The following TTC28 variants were observed in gnomAD, a reference collection of about 807,000 sequenced individuals.
TTC28 encodes the protein tetratricopeptide repeat protein 28.
A neutral mutation model predicts 198.0 loss-of-function variants in TTC28; 61 were observed. The ratio of observed to expected loss-of-function variants is 0.31; its 90% CI spans 0.25 to 0.38. The LOEUF (loss-of-function observed/expected upper bound fraction) is 0.38. TTC28 is among the 10% of genes least tolerant of loss of function. TTC28 has a pLI of 1.00. For missense variants in TTC28, 2,678 were observed against 3,164.0 expected, an observed-to-expected ratio of 0.85 and a Z score of 3.69; for synonymous variants, 1,171 against 1,297.8, an observed-to-expected ratio of 0.90 and a Z score of 2.10.
chr22:28,122,291 C>A (rs1490324205), intron 6 of TTC28, among the ~76,000 whole-genome samples: 1 of 152,146 alleles, frequency 6.6e-6, no homozygotes, highest in African/African-American at 2.4e-5. Context: ...ATAAGAAAGG[C>A]CAAGAGGACT....
At chr22:28,458,591 A>C (rs16986451) in intron 2 of TTC28, among the ~76,000 whole-genome samples, 5,456 of 152,232 alleles carry the variant, frequency 0.036, 153 homozygotes, top group African/African-American at 0.069. Context: ...AAAAATATTT[A>C]CCAAAATAGG....
intron 1 of TTC28, among the ~76,000 whole-genome samples, chr22:28,658,931 A>G (rs2051700871): frequency 6.6e-6 from 1 of 152,158 alleles, no homozygotes; most frequent in Admixed American, 6.6e-5. Flanking sequence ...TGGGAGGTGG[A>G]GGTCACAGTG....
At chr22:28,072,049 G>C (rs1452058128) in intron 12 of TTC28, among the ~76,000 whole-genome samples, 1 of 152,150 alleles carries the variant, frequency 6.6e-6, no homozygotes, top group Non-Finnish European at 1.5e-5. Context: ...TACCTGATCT[G>C]GATTAAGTCT....
intron 2 of TTC28, among the ~76,000 whole-genome samples, chr22:28,514,856 C>G (rs565875333): frequency 2.4e-4 from 37 of 152,332 alleles, no homozygotes; most frequent in Middle Eastern, 6.8e-3. Context: ...ATAGGTCAGT[C>G]TTGCAGAATA....
rs944106522 is a variant in TTC28 at position 27,993,383 on chromosome 22, G to A, written c.5380C>T (p.Pro1794Ser). 7.1e-6 allele frequency: 11 copies of A among 1,551,048 alleles called. No homozygotes were observed. The Admixed American group carries it at 7.8e-5, about 11-fold the overall frequency. ...LLTAVGFRLD[P>S]PTSGLPAAVF... ...GCCGCTGGCAGGCCACTGGTTGGGG[G>A]GTCCAGCCGGAAGCCCACAGCGGTG... Residue 1794 changes from proline to serine, a missense_variant, in exon 18 of 23, where the codon CCC (proline) becomes TCC (serine). Physicochemically the swap from Pro to Ser is moderately conservative, Grantham distance 74. Around this residue, in one of 8 missense-constraint regions of TTC28, gnomAD observed 314 missense variants for 442.7 expected, o/e 0.71. Coordinates refer to ENST00000397906, the MANE Select transcript of TTC28 (RefSeq NM_001145418.2).
intron 6 of TTC28, among the ~76,000 whole-genome samples, chr22:28,156,986 C>T (rs79247744): frequency 0.071 from 10,795 of 151,800 alleles, 438 homozygotes; most frequent in South Asian, 0.091. Flanking sequence ...ATTAAGAAAA[C>T]ACAAAAGATA....
At chr22:28,330,934 T>C (rs546003641) in intron 2 of TTC28, among the ~76,000 whole-genome samples, 1 of 152,324 alleles carries the variant, frequency 6.6e-6, no homozygotes, top group African/African-American at 2.4e-5. Flanking sequence ...TTTAGGTCAG[T>C]TATCTGGAAT....
intron 6 of TTC28, among the ~76,000 whole-genome samples, chr22:28,137,571 G>T (rs1448448599): frequency 6.6e-6 from 1 of 152,078 alleles, no homozygotes; most frequent in African/African-American, 2.4e-5. Context: ...GTTCTCCACA[G>T]GAGCTTGAGC....
At chr22:28,139,594 T>C (rs182228822) in intron 6 of TTC28, among the ~76,000 whole-genome samples, 2 of 152,244 alleles carry the variant, frequency 1.3e-5, no homozygotes, top group Admixed American at 6.5e-5. Flanking sequence ...AGGAAAATAC[T>C]GCAAGGAAGG....
At chr22:28,164,864 A>G (rs1921713157) in intron 5 of TTC28, among the ~76,000 whole-genome samples, 1 of 152,206 alleles carries the variant, frequency 6.6e-6, no homozygotes, top group South Asian at 2.1e-4. Flanking sequence ...AAGGCTTCAG[A>G]TGATCAAACT....
At chr22:28,372,294 T>A (rs1248712303) in intron 2 of TTC28, among the ~76,000 whole-genome samples, 1 of 152,258 alleles carries the variant, frequency 6.6e-6, no homozygotes, top group East Asian at 1.9e-4. Flanking sequence ...ATTTAAGATA[T>A]GCTTCATTTC....
chr22:28,036,393 C>T (rs1294943252), intron 12 of TTC28, among the ~76,000 whole-genome samples: 2 of 152,192 alleles, frequency 1.3e-5, no homozygotes, highest in African/African-American at 4.8e-5. Context: ...TACATGGAAA[C>T]TGAACAACCT....
chr22:28,400,770 T>C (rs2046894487), intron 2 of TTC28, among the ~76,000 whole-genome samples: 1 of 152,204 alleles, frequency 6.6e-6, no homozygotes, highest in Non-Finnish European at 1.5e-5. Context: ...ATATTTAGGA[T>C]AGCCCAGATG....
rs917334456 is a variant in TTC28 at position 28,176,536 on chromosome 22, C to T, written c.934-12937G>A. Among the ~76,000 whole-genome samples, 6 of 152,162 alleles carry T rather than the reference C, an allele frequency of 3.9e-5. No individual in the cohort carries two copies. In the East Asian group the frequency reaches 5.8e-4, roughly 15 times the overall value. On this transcript the variant is annotated intron_variant, in intron 5 of 22. Transcript: ENST00000397906. ...GGTGACTATGGCTAACAATAAAATACTGTATATTACAAAACAGCTAGAAGA... is the reference window on the plus strand; with the variant it reads ...GGTGACTATGGCTAACAATAAAATATTGTATATTACAAAACAGCTAGAAGA...
chr22:28,512,597 A>G (rs2048704923), intron 2 of TTC28, among the ~76,000 whole-genome samples: 2 of 152,270 alleles, frequency 1.3e-5, no homozygotes, highest in Admixed American at 6.5e-5. Flanking sequence ...ATGCAGCCAT[A>G]AAAAGGAATA....
At chr22:28,175,208 G>A (rs1247574331) in intron 5 of TTC28, among the ~76,000 whole-genome samples, 1 of 152,070 alleles carries the variant, frequency 6.6e-6, no homozygotes, top group African/African-American at 2.4e-5. Flanking sequence ...GCTGGGCAAG[G>A]ATTTTTAAAA....
At chr22:28,610,142 G>C (rs192426340) in intron 2 of TTC28, among the ~76,000 whole-genome samples, 4 of 152,322 alleles carry the variant, frequency 2.6e-5, no homozygotes, top group Admixed American at 2.0e-4. Flanking sequence ...TGTGGGGGAA[G>C]GTGTGGCCAT....
chr22:28,444,362 G>A (rs1278024243), intron 2 of TTC28, among the ~76,000 whole-genome samples: 1 of 152,144 alleles, frequency 6.6e-6, no homozygotes, highest in African/African-American at 2.4e-5. Flanking sequence ...GAGATTATAT[G>A]CAGATTGATC....
At chr22:28,646,440 T>G (rs554933324) in intron 1 of TTC28, among the ~76,000 whole-genome samples, 1 of 152,214 alleles carries the variant, frequency 6.6e-6, no homozygotes, top group Non-Finnish European at 1.5e-5. Flanking sequence ...CCCATGCTCA[T>G]GGAGTAGAAA....
Sources: allele counts gnomAD v4.1 joint callset (sites outside exome capture counted in the v4.1 genomes callset), GRCh38; gene constraint gnomAD v4.1.1; regional missense constraint gnomAD v4.1.1; transcripts MANE v1.5; gene names NCBI Gene and HGNC (gene_info 2026-07-23, HGNC 2026-07-21).